The following PCDH15 variants were observed in gnomAD, a reference collection of about 807,000 sequenced individuals.
PCDH15 encodes protocadherin related 15.
PCDH15 carries 129 observed loss-of-function variants against 178.5 expected under a neutral mutation model. That is an observed-to-expected ratio of 0.72 (90% confidence interval 0.63 to 0.84). The LOEUF (loss-of-function observed/expected upper bound fraction) is 0.84. PCDH15 is among the 40% of genes least tolerant of loss of function. The probability of loss-of-function intolerance (pLI) is 0.00; values close to 1 mark genes in which losing one functional copy is unlikely to be tolerated. For missense variants in PCDH15, 2,230 were observed against 2,099.9 expected (o/e 1.06, Z -1.21); for synonymous variants, 800 against 732.0 (o/e 1.09, Z -1.50).
chr10:55,595,970 A>C (rs1385841970), intron 2 of PCDH15, among the ~76,000 whole-genome samples: 8 of 152,106 alleles, frequency 5.3e-5, no homozygotes, highest in Non-Finnish European at 1.2e-4. Flanking sequence ...TTGATAAATT[A>C]ATTATTGTTG....
intron 25 of PCDH15, 149 bp downstream of exon 25, chr10:53,938,666 T>G: frequency 1.3e-6 from 1 of 786,532 alleles, no homozygotes; most frequent in South Asian, 1.7e-5. Flanking sequence ...ATATATTAGC[T>G]GTTTAAACGA....
chr10:54,138,725 C>T (rs2043109734), intron 14 of PCDH15, among the ~76,000 whole-genome samples: 1 of 152,128 alleles, frequency 6.6e-6, no homozygotes, highest in Non-Finnish European at 1.5e-5. Flanking sequence ...GAAAACTATT[C>T]TACCCAAAAT....
intron 1 of PCDH15, among the ~76,000 whole-genome samples, chr10:55,315,363 T>C (rs1234032186): frequency 6.6e-6 from 1 of 152,190 alleles, no homozygotes; most frequent in African/African-American, 2.4e-5. Flanking sequence ...TTAAGTATGA[T>C]TTTAAAATAT....
At chr10:54,821,943 G>A (rs2133741160) in intron 3 of PCDH15, among the ~76,000 whole-genome samples, 1 of 152,194 alleles carries the variant, frequency 6.6e-6, no homozygotes, top group East Asian at 1.9e-4. Context: ...CCTCCCAGGG[G>A]TTTAGAAGGG....
At chr10:55,012,012 C>T (rs1336405696) in intron 2 of PCDH15, among the ~76,000 whole-genome samples, 1 of 152,050 alleles carries the variant, frequency 6.6e-6, no homozygotes, top group Non-Finnish European at 1.5e-5. Context: ...TAAAAATTGC[C>T]TCTTGAAAAA....
At chr10:53,927,016 C>T (rs2084618295) in intron 25 of PCDH15, among the ~76,000 whole-genome samples, 1 of 152,034 alleles carries the variant, frequency 6.6e-6, no homozygotes. Flanking sequence ...AATAATGTTT[C>T]AGGGGCCATG....
intron 1 of PCDH15, among the ~76,000 whole-genome samples, chr10:55,306,303 C>T (rs892905455): frequency 7.2e-5 from 11 of 152,178 alleles, no homozygotes; most frequent in Non-Finnish European, 1.5e-5. Flanking sequence ...AGAATGAAAA[C>T]ATAAGTTTTA....
At chr10:55,589,199 T>C (rs970203685) in intron 2 of PCDH15, among the ~76,000 whole-genome samples, 5 of 152,104 alleles carry the variant, frequency 3.3e-5, no homozygotes, top group Non-Finnish European at 7.4e-5. Context: ...GTCTAACGTT[T>C]AAGTCTTTAA....
intron 1 of PCDH15, among the ~76,000 whole-genome samples, chr10:55,237,208 T>G (rs1182525864): frequency 6.6e-6 from 1 of 152,108 alleles, no homozygotes; most frequent in Non-Finnish European, 1.5e-5. Context: ...GGCTGCACAA[T>G]GCACTATATT....
chr10:54,573,995 A>T (rs909996132), intron 2 of PCDH15, among the ~76,000 whole-genome samples: 1 of 152,134 alleles, frequency 6.6e-6, no homozygotes, highest in Non-Finnish European at 1.5e-5. Flanking sequence ...CTCTGATGGT[A>T]GTTTCTTTTG....
At chr10:54,062,257 A>AAAAC (rs2094042936) in intron 18 of PCDH15, among the ~76,000 whole-genome samples, 1 of 107,522 alleles carries the variant, frequency 9.3e-6, no homozygotes, top group South Asian at 2.6e-4. Context: ...AAAAAACAAA[A>AAAAC]AACAACTAAA....
intron 2 of PCDH15, among the ~76,000 whole-genome samples, chr10:55,345,224 T>C (rs1190522599): frequency 6.6e-6 from 1 of 151,042 alleles, no homozygotes; most frequent in Non-Finnish European, 1.5e-5. Flanking sequence ...AAAGTTGTCT[T>C]TTAATCAACA....
chr10:55,614,409 T>C (rs570950483), intron 2 of PCDH15, among the ~76,000 whole-genome samples: 6 of 152,192 alleles, frequency 3.9e-5, no homozygotes, highest in Admixed American at 6.5e-5. Context: ...AGTTCTATCT[T>C]ATTGGAAAGA....
At chr10:55,325,979 T>C (rs1168135464) in intron 2 of PCDH15, among the ~76,000 whole-genome samples, 1 of 151,848 alleles carries the variant, frequency 6.6e-6, no homozygotes, top group African/African-American at 2.4e-5. Flanking sequence ...TACAAGTATA[T>C]GAAAAAAAAT....
chr10:54,441,896 GAGATA>G (rs2075810959), intron 3 of PCDH15, among the ~76,000 whole-genome samples: 1 of 151,734 alleles, frequency 6.6e-6, no homozygotes, highest in Admixed American at 6.6e-5. Flanking sequence ...AAATAAACTT[GAGATA>G]AGAGAGCAGA....
intron 20 of PCDH15, among the ~76,000 whole-genome samples, chr10:54,009,576 C>A (rs1027938578): frequency 2.0e-5 from 3 of 152,078 alleles, no homozygotes; most frequent in Non-Finnish European, 4.4e-5. Context: ...GAAAGGCTGG[C>A]GAGTGGACAC....
chr10:54,600,221 C>T, intron 2 of PCDH15: 1 of 594,736 alleles, frequency 1.7e-6, no homozygotes, highest in Non-Finnish European at 3.2e-6. Flanking sequence ...GAGAAAGAGA[C>T]CAAAGAAGAG....
intron 25 of PCDH15, among the ~76,000 whole-genome samples, chr10:53,935,364 A>G (rs370021263): frequency 6.6e-6 from 1 of 152,224 alleles, no homozygotes; most frequent in East Asian, 1.9e-4. Context: ...GGATAAAACA[A>G]TATCACTTTC....
intron 21 of PCDH15, among the ~76,000 whole-genome samples, chr10:53,967,028 G>A (rs946474065): frequency 6.6e-6 from 1 of 152,002 alleles, no homozygotes; most frequent in African/African-American, 2.4e-5. Flanking sequence ...GGCTTGATAT[G>A]GTTTGGCTTT....
Sources: gnomAD v4.1 joint callset for allele counts (sites outside exome capture counted in the v4.1 genomes callset) on GRCh38, gnomAD v4.1.1 for gene constraint, MANE v1.5 for transcripts, NCBI Gene and HGNC (gene_info 2026-07-23, HGNC 2026-07-21) for gene names.